Variants in MET observed in about 807,000 individuals in gnomAD.
The protein encoded by MET is hepatocyte growth factor receptor.
Under a neutral mutation model 133.1 loss-of-function variants are expected in MET, and 48 were observed. The observed-to-expected ratio is 0.36, with a 90% confidence interval of 0.29 to 0.46. The LOEUF is 0.46. Ranked by LOEUF, MET falls within the 20% of genes least tolerant of loss-of-function variation. The pLI, the probability that MET is intolerant of heterozygous loss-of-function variation, is 1.00. For missense variants in MET, 1,442 were observed against 1,695.9 expected (o/e 0.85, Z 2.63); for synonymous variants, 628 against 616.5 (o/e 1.02, Z -0.28).
chr7:116,692,471 A>G (rs1019587877), intron 1 of MET, among the ~76,000 whole-genome samples: 2 of 152,164 alleles, frequency 1.3e-5, no homozygotes, highest in African/African-American at 4.8e-5. Flanking sequence ...CAATGTTTTT[A>G]TGATGAGGAC....
intron 19 of MET, among the ~76,000 whole-genome samples, chr7:116,784,699 T>C (rs925142579): frequency 6.6e-6 from 1 of 151,652 alleles, no homozygotes; most frequent in Non-Finnish European, 1.5e-5. Flanking sequence ...TACATGAGAG[T>C]TGGGTGGGAA....
chr7:116,739,126 A>T (rs1793349863), intron 3 of MET, among the ~76,000 whole-genome samples: 1 of 152,210 alleles, frequency 6.6e-6, no homozygotes, highest in Non-Finnish European at 1.5e-5. Flanking sequence ...CTAAAAATCT[A>T]AGTGTTCATG....
intron 2 of MET, among the ~76,000 whole-genome samples, chr7:116,726,635 C>T (rs560239873): frequency 2.0e-5 from 3 of 152,138 alleles, no homozygotes; most frequent in East Asian, 3.9e-4. Flanking sequence ...GTGCAAGGAC[C>T]CAAGAAATGG....
intron 2 of MET, among the ~76,000 whole-genome samples, chr7:116,702,373 G>A (rs1791615431): frequency 6.6e-6 from 1 of 151,834 alleles, no homozygotes; most frequent in African/African-American, 2.4e-5. Context: ...ATTCTTCTGA[G>A]ACTGAGACTA....
chr7:116,783,267 T>C, intron 18 of MET, 37 bp from the exon 19 acceptor site: 3 of 1,613,138 alleles, frequency 1.9e-6, no homozygotes, highest in Non-Finnish European at 2.5e-6. Context: ...AATTATTCTA[T>C]TTCAGCCACG....
chr7:116,718,272 T>C (rs576289256), intron 2 of MET, among the ~76,000 whole-genome samples: 4 of 152,048 alleles, frequency 2.6e-5, no homozygotes, highest in African/African-American at 9.6e-5. Flanking sequence ...ACCTGTAGTC[T>C]CAGCTATTCA....
chr7:116,676,613 G>A lies in MET; in HGVS notation c.-15+4036G>A, dbSNP rs532952903. ...TAAAATGGAAAAGAGAATAGTGACT[G>A]TCAAGGATAAGAGAGAGTGGGATGG... On this transcript the variant is annotated intron_variant, in intron 1 of 20. Transcript: ENST00000397752. Among the ~76,000 whole-genome samples the A allele has an allele frequency of 4.9e-4, 74 of 152,304 alleles. 1 individual carries two copies. Among genetic ancestry groups the A allele is most frequent in the African/African-American group, 1.7e-3 (71 of 41,568 alleles).
intron 5 of MET, among the ~76,000 whole-genome samples, chr7:116,746,167 A>G (rs1793672931): frequency 6.6e-6 from 1 of 152,252 alleles, no homozygotes; most frequent in African/African-American, 2.4e-5. Context: ...CAGTCAAAAG[A>G]CACATGAAAA....
At position 116,783,305 on chromosome 7, in the gene MET, C is replaced by A. The variant is rs2117065276; in HGVS notation, c.3634C>A (p.Leu1212Met). 6.2e-7 allele frequency: 1 copy of A among 1,614,008 alleles called. No homozygotes were observed. The highest frequency in any genetic ancestry group is 1.1e-5 in the South Asian group (1 of 91,080). Reference sequence around the variant, plus strand: ...TAATAATTTTTGTCCTTTCTGTAGGCTGGATGAAAAATTCACAGTCAAGGT... The same window carrying A: ...TAATAATTTTTGTCCTTTCTGTAGGATGGATGAAAAATTCACAGTCAAGGT... Reference protein sequence around the residue: ...HRDLAARNCMLDEKFTVKVAD... With the variant: ...HRDLAARNCMMDEKFTVKVAD... The change falls in exon 19 of 21, where the codon CTG becomes ATG. Residue 1212 changes from leucine (L) to methionine (M), a missense_variant and splice_region_variant. Leu to Met is a conservative substitution (Grantham distance 15, BLOSUM62 2). Around this residue, in one of 6 missense-constraint regions of MET, gnomAD observed 38 missense variants for 40.6 expected, o/e 0.94. Transcript: ENST00000397752.
chr7:116,781,716 C>T (rs1284068993), intron 17 of MET, among the ~76,000 whole-genome samples: 2 of 151,508 alleles, frequency 1.3e-5, no homozygotes, highest in Non-Finnish European at 3.0e-5. Flanking sequence ...TATAGGTGCA[C>T]ACCACCACAC....
Position 116,795,866 on chromosome 7 carries a change from ATGTCTTTCTT to A in MET, c.3936-19_3936-10del. The A allele has an allele frequency of 6.2e-7, 1 of 1,614,156 alleles. No homozygotes were observed. Among genetic ancestry groups the A allele is most frequent in the Non-Finnish European group, 8.5e-7 (1 of 1,180,020 alleles). On this transcript the variant is annotated splice_polypyrimidine_tract_variant and intron_variant, in intron 20 of 20. Coordinates refer to ENST00000397752, the MANE Select transcript of MET (RefSeq NM_000245.4). ...CTGCCTTCAAAGGGTCTCTTACAGC[ATGTCTTTCTT>A]TTTGGAACAGATATGAAGTAATGCT...
intron 2 of MET, chr7:116,724,353 C>A (rs1396436522): frequency 7.3e-6 from 2 of 274,956 alleles, no homozygotes; most frequent in Non-Finnish European, 1.4e-5. Context: ...CACCCACTGA[C>A]CTGCGCCCAC....
chr7:116,775,208 C>A, intron 15 of MET, 97 bp downstream of exon 15: 1 of 1,056,628 alleles, frequency 9.5e-7, no homozygotes, highest in Non-Finnish European at 1.4e-6. Context: ...ATGGTGAAAG[C>A]AACTGACAGA....
Position 116,731,639 on chromosome 7 carries a change from A to C in MET, c.1201-29A>C, listed in dbSNP as rs1371821200. ...CCAGCTTGTTCATGTCTGGATTCACATTAACTCTATGACCATATTTTATTC... is the reference window on the plus strand; with the variant it reads ...CCAGCTTGTTCATGTCTGGATTCACCTTAACTCTATGACCATATTTTATTC... On this transcript the variant is annotated intron_variant, in intron 2 of 20. Coordinates refer to ENST00000397752, the MANE Select transcript of MET (RefSeq NM_000245.4). The C allele has an allele frequency of 1.9e-6, 3 of 1,612,998 alleles. No homozygotes were observed. In the African/African-American group the frequency reaches 4.0e-5, roughly 22 times the overall value.
Position 116,775,121 on chromosome 7 carries a change from T to G in MET, c.3259+10T>G. 6.2e-7 allele frequency: 1 copy of G among 1,613,212 alleles called. No individual in the cohort carries two copies. Among genetic ancestry groups the G allele is most frequent in the Non-Finnish European group, 8.5e-7 (1 of 1,179,128 alleles). Reference sequence around the variant, plus strand: ...GAAGTCATAGGAAGAGGTAAGTATTTCCACTCAGCTTTTTGTTAAATACGA... The same window carrying G: ...GAAGTCATAGGAAGAGGTAAGTATTGCCACTCAGCTTTTTGTTAAATACGA... On this transcript the variant is annotated intron_variant, in intron 15 of 20. Coordinates refer to ENST00000397752, the MANE Select transcript of MET (RefSeq NM_000245.4).
chr7:116,725,892 C>T (rs1029564320), intron 2 of MET, among the ~76,000 whole-genome samples: 12 of 149,288 alleles, frequency 8.0e-5, no homozygotes, highest in Non-Finnish European at 1.5e-4. Flanking sequence ...ATATTATTAG[C>T]GGGGTGTGGT....
intron 2 of MET, among the ~76,000 whole-genome samples, chr7:116,713,272 GTA>G (rs1792067508): frequency 6.6e-6 from 1 of 151,776 alleles, no homozygotes; most frequent in Non-Finnish European, 1.5e-5. Context: ...GCGGGCGCCT[GTA>G]GTCCCAGCTA....
chr7:116,740,642 T>C (rs1793408296), intron 4 of MET, among the ~76,000 whole-genome samples: 1 of 152,192 alleles, frequency 6.6e-6, no homozygotes, highest in Admixed American at 6.5e-5. Context: ...ATAATGTTAC[T>C]TTTTCACATA....
Position 116,790,472 on chromosome 7 carries a change from A to T in MET, c.3799-5183A>T, listed in dbSNP as rs542883005. Among the ~76,000 whole-genome samples the T allele has an allele frequency of 3.3e-5, 5 of 152,354 alleles. 1 individual carries two copies. The highest frequency in any genetic ancestry group is 1.2e-4 in the African/African-American group (5 of 41,590). On this transcript the variant is annotated intron_variant, in intron 19 of 20. Transcript: ENST00000397752. Reference sequence around the variant, plus strand: ...CTTTTTAAAGGCAGAATAATATTCCATTGTACATATATGCCACATTTTCTT... The same window carrying T: ...CTTTTTAAAGGCAGAATAATATTCCTTTGTACATATATGCCACATTTTCTT...
Sources: allele counts gnomAD v4.1 joint callset (sites outside exome capture counted in the v4.1 genomes callset), GRCh38; gene constraint gnomAD v4.1.1; regional missense constraint gnomAD v4.1.1; transcripts MANE v1.5; gene names NCBI Gene and HGNC (gene_info 2026-07-23, HGNC 2026-07-21).